The following PAX7 variants were observed in gnomAD, a reference collection of about 807,000 sequenced individuals.
The protein encoded by PAX7 is paired box protein Pax-7.
PAX7 carries 18 observed loss-of-function variants against 50.7 expected under a neutral mutation model. The observed-to-expected ratio is 0.36, with a 90% confidence interval of 0.25 to 0.53. PAX7 has a LOEUF of 0.53. PAX7 is among the 20% of genes least tolerant of loss of function. The pLI is 0.93. For synonymous variants in PAX7, 310 were observed against 290.4 expected, an observed-to-expected ratio of 1.07 and a Z score of -0.69; for missense variants, 644 against 702.9, an observed-to-expected ratio of 0.92 and a Z score of 0.95.
intron 3 of PAX7, among the ~76,000 whole-genome samples, chr1:18,635,511 T>TAGGAAGGA (rs138334090): frequency 7.7e-4 from 104 of 134,540 alleles, no homozygotes; most frequent in African/African-American, 1.1e-3. Context: ...GGAAGGAAGG[T>TAGGAAGGA]AGGAAGGAAG....
At chr1:18,650,773 C>T (rs1424174827) in intron 4 of PAX7, among the ~76,000 whole-genome samples, 3 of 152,140 alleles carry the variant, frequency 2.0e-5, no homozygotes, top group African/African-American at 2.4e-5. Flanking sequence ...GACCCAGTCC[C>T]CAAAGTATTA....
intron 4 of PAX7, among the ~76,000 whole-genome samples, chr1:18,689,259 G>A (rs2089031885): frequency 6.6e-6 from 1 of 152,212 alleles, no homozygotes; most frequent in Admixed American, 6.5e-5. Flanking sequence ...GAACACTGAG[G>A]TTATGCACTG....
chr1:18,644,110 C>T (rs1282542610), intron 4 of PAX7, among the ~76,000 whole-genome samples: 2 of 152,222 alleles, frequency 1.3e-5, no homozygotes, highest in Admixed American at 6.5e-5. Flanking sequence ...GCGAACGCTG[C>T]GGACTGGAGG....
At chr1:18,742,728 C>CCT (rs1307241280) in intron 8 of PAX7, among the ~76,000 whole-genome samples, 1 of 152,202 alleles carries the variant, frequency 6.6e-6, no homozygotes, top group Non-Finnish European at 1.5e-5. Context: ...ACTTAACTTT[C>CCT]CTCTCATCAC....
intron 4 of PAX7, among the ~76,000 whole-genome samples, chr1:18,660,979 G>GT (rs1308805043): frequency 6.6e-5 from 10 of 152,158 alleles, no homozygotes; most frequent in Non-Finnish European, 2.9e-5. Flanking sequence ...AATAGTGAGT[G>GT]TAAGGGCTTC....
At chr1:18,645,766 G>A (rs1455443405) in intron 4 of PAX7, among the ~76,000 whole-genome samples, 2 of 152,210 alleles carry the variant, frequency 1.3e-5, no homozygotes, top group Non-Finnish European at 2.9e-5. Context: ...CTTTACCTGG[G>A]CTGCAGACTT....
chr1:18,731,037 G>A (rs979703506), intron 7 of PAX7, among the ~76,000 whole-genome samples: 15 of 152,144 alleles, frequency 9.9e-5, no homozygotes, highest in African/African-American at 1.9e-4. Context: ...TGTGGAGGTC[G>A]GTATTGATTT....
chr1:18,665,452 C>T (rs959182725), intron 4 of PAX7, among the ~76,000 whole-genome samples: 3 of 151,904 alleles, frequency 2.0e-5, no homozygotes, highest in Admixed American at 1.3e-4. Context: ...CTCGGCTCAC[C>T]GCAACCTCCA....
intron 1 of PAX7, among the ~76,000 whole-genome samples, chr1:18,633,900 G>A (rs2088101061): frequency 2.0e-5 from 3 of 152,202 alleles, no homozygotes; most frequent in African/African-American, 2.4e-5. Flanking sequence ...TCGGCCTGAG[G>A]GACAGATAGT....
At chr1:18,640,114 T>C (rs1285513828) in intron 4 of PAX7, among the ~76,000 whole-genome samples, 1 of 152,078 alleles carries the variant, frequency 6.6e-6, no homozygotes, top group African/African-American at 2.4e-5. Context: ...GATTTGTTTC[T>C]CTTTGTATTT....
chr1:18,743,160 G>C (rs778640353), intron 8 of PAX7, among the ~76,000 whole-genome samples: 1 of 152,224 alleles, frequency 6.6e-6, no homozygotes, highest in Non-Finnish European at 1.5e-5. Context: ...CACTTTGTAC[G>C]TATTTCTTCT....
intron 4 of PAX7, among the ~76,000 whole-genome samples, chr1:18,647,631 C>G (rs1461140875): frequency 6.6e-6 from 1 of 152,158 alleles, no homozygotes; most frequent in African/African-American, 2.4e-5. Context: ...TGGACACAAC[C>G]TCAAAGTAGG....
rs762608034 is a variant in PAX7 at position 18,691,742 on chromosome 1, C to G, written c.587-12C>G. On this transcript the variant is annotated splice_polypyrimidine_tract_variant and intron_variant, in intron 4 of 8. Coordinates refer to ENST00000420770, the MANE Select transcript of PAX7 (RefSeq NM_001135254.2). ...AGCCCCTGCCTTCTCCCTCCCTCTC[C>G]TCCGGCTGTAGGGAACCGGCTGGAC... is the stretch of plus-strand genomic sequence containing the variant. 7.1e-6 allele frequency: 11 copies of G among 1,559,858 alleles called. No individual in the cohort carries two copies. The highest frequency in any genetic ancestry group is 9.6e-6 in the Non-Finnish European group (11 of 1,151,794).
chr1:18,709,312 C>T (rs996520655), intron 7 of PAX7, among the ~76,000 whole-genome samples: 1 of 152,150 alleles, frequency 6.6e-6, no homozygotes, highest in African/African-American at 2.4e-5. Context: ...TTTGTAATGT[C>T]CCATACTCAT....
chr1:18,701,630 G>A (rs757006149), intron 6 of PAX7, among the ~76,000 whole-genome samples: 9 of 152,154 alleles, frequency 5.9e-5, no homozygotes, highest in Non-Finnish European at 1.0e-4. Flanking sequence ...CATTTTCAGA[G>A]ATGGAATAAA....
intron 4 of PAX7, among the ~76,000 whole-genome samples, chr1:18,656,723 G>C (rs1489350856): frequency 6.6e-6 from 1 of 150,964 alleles, no homozygotes; most frequent in African/African-American, 2.4e-5. Context: ...GGCGAGACGT[G>C]GTGGCTCATG....
chr1:18,697,177 C>G (rs1241475318), intron 5 of PAX7, among the ~76,000 whole-genome samples: 2 of 152,150 alleles, frequency 1.3e-5, no homozygotes, highest in East Asian at 3.9e-4. Flanking sequence ...GGACACAGTA[C>G]ACAGATGGCA....
At chr1:18,688,315 G>C (rs183760352) in intron 4 of PAX7, among the ~76,000 whole-genome samples, 8 of 152,204 alleles carry the variant, frequency 5.3e-5, no homozygotes, top group African/African-American at 1.2e-4. Context: ...AGTTGTGAGC[G>C]TGGGGCCTGC....
intron 4 of PAX7, among the ~76,000 whole-genome samples, chr1:18,684,914 G>A (rs761597573): frequency 3.9e-5 from 6 of 152,182 alleles, no homozygotes; most frequent in African/African-American, 9.7e-5. Flanking sequence ...CCACTGATCC[G>A]GGATGGGTGA....
Sources: allele counts gnomAD v4.1 joint callset (sites outside exome capture counted in the v4.1 genomes callset), GRCh38; gene constraint gnomAD v4.1.1; transcripts MANE v1.5; gene names NCBI Gene and HGNC (gene_info 2026-07-23, HGNC 2026-07-21).